The following LAMA2 variants were observed in gnomAD, a reference collection of about 807,000 sequenced individuals.
LAMA2 encodes the protein laminin subunit alpha 2.
A neutral mutation model predicts 364.8 loss-of-function variants in LAMA2; 269 were observed. The observed-to-expected ratio is 0.74, with a 90% CI of 0.67 to 0.82. The LOEUF is 0.82. LAMA2 is among the 40% of genes least tolerant of loss of function. LAMA2 has a pLI of 0.00. For synonymous variants in LAMA2, 1,379 were observed against 1,370.6 expected (o/e 1.01, Z -0.14); for missense variants, 3,807 against 3,873.2 (o/e 0.98, Z 0.45).
intron 1 of LAMA2, among the ~76,000 whole-genome samples, chr6:129,047,751 CT>C (rs960273488): frequency 1.1e-4 from 17 of 152,050 alleles, no homozygotes; most frequent in African/African-American, 3.4e-4. Context: ...GTACTATTAT[CT>C]TTTTTTAACA....
chr6:129,052,468 A>T (rs1484633878), intron 2 of LAMA2, among the ~76,000 whole-genome samples: 1 of 151,954 alleles, frequency 6.6e-6, no homozygotes, highest in Non-Finnish European at 1.5e-5. Context: ...CTTTTTAAAT[A>T]GACCTTATTT....
intron 1 of LAMA2, among the ~76,000 whole-genome samples, chr6:129,010,381 G>A (rs948615522): frequency 1.3e-5 from 2 of 152,126 alleles, no homozygotes; most frequent in African/African-American, 4.8e-5. Flanking sequence ...TCGTTTAGGT[G>A]AAATAGAGGA....
chr6:129,298,658 A>G (rs1355953534), intron 21 of LAMA2, among the ~76,000 whole-genome samples: 1 of 152,218 alleles, frequency 6.6e-6, no homozygotes, highest in South Asian at 2.1e-4. Flanking sequence ...TCTCAGCACC[A>G]TGGTAAGATT....
chr6:129,495,368 A>G (rs1785107801), intron 58 of LAMA2, among the ~76,000 whole-genome samples: 1 of 152,066 alleles, frequency 6.6e-6, no homozygotes, highest in African/African-American at 2.4e-5. Flanking sequence ...TATCCCCTCC[A>G]TGATCAGTAT....
intron 29 of LAMA2, among the ~76,000 whole-genome samples, chr6:129,334,944 AAC>A (rs1194418084): frequency 6.6e-6 from 1 of 152,190 alleles, no homozygotes; most frequent in Non-Finnish European, 1.5e-5. Flanking sequence ...ATTTTTGGAG[AAC>A]ACAGTTGTTC....
chr6:129,515,008 CAT>C (rs1480154500), intron 64 of LAMA2, among the ~76,000 whole-genome samples: 2 of 152,148 alleles, frequency 1.3e-5, no homozygotes, highest in African/African-American at 4.8e-5. Flanking sequence ...TTGGGTTAAA[CAT>C]AGCTAATTTC....
At chr6:129,294,098 G>C (rs80096348) in intron 20 of LAMA2, among the ~76,000 whole-genome samples, 1 of 152,158 alleles carries the variant, frequency 6.6e-6, no homozygotes. Flanking sequence ...CTGCAATGGG[G>C]TTCTGACTCC....
intron 22 of LAMA2, among the ~76,000 whole-genome samples, chr6:129,306,643 T>C (rs1773897417): frequency 6.6e-6 from 1 of 151,866 alleles, no homozygotes; most frequent in African/African-American, 2.4e-5. Context: ...GAGGTTCTTA[T>C]TTTTTTAATT....
chr6:129,231,270 A>G (rs115094488), intron 12 of LAMA2, among the ~76,000 whole-genome samples: 9 of 152,148 alleles, frequency 5.9e-5, no homozygotes. Flanking sequence ...TTTTGAAATT[A>G]TGCTTTACTG....
At chr6:129,389,927 A>AG (rs1401655735) in intron 35 of LAMA2, among the ~76,000 whole-genome samples, 7 of 152,190 alleles carry the variant, frequency 4.6e-5, no homozygotes, top group Non-Finnish European at 7.3e-5. Context: ...GGGGACACAG[A>AG]GAAAAACCAT....
chr6:129,219,659 G>A (rs1303212458), intron 12 of LAMA2, among the ~76,000 whole-genome samples: 1 of 144,102 alleles, frequency 6.9e-6, no homozygotes, highest in Non-Finnish European at 1.5e-5. Context: ...AAAAAATGAT[G>A]AGTTCATGTC....
intron 35 of LAMA2, among the ~76,000 whole-genome samples, chr6:129,385,744 C>T (rs1259537765): frequency 1.3e-5 from 2 of 152,096 alleles, no homozygotes; most frequent in Admixed American, 1.3e-4. Flanking sequence ...CATAGGTAAA[C>T]CCATTAGTGT....
At chr6:129,377,773 G>GA (rs892223346) in intron 34 of LAMA2, among the ~76,000 whole-genome samples, 14 of 152,162 alleles carry the variant, frequency 9.2e-5, no homozygotes, top group Non-Finnish European at 1.9e-4. Flanking sequence ...AAAGAAGGCA[G>GA]AAAATGAAAC....
intron 1 of LAMA2, among the ~76,000 whole-genome samples, chr6:128,977,700 G>T (rs1414391442): frequency 6.6e-6 from 1 of 152,178 alleles, no homozygotes; most frequent in African/African-American, 2.4e-5. Context: ...ACCTGAATCA[G>T]GTTTCGGTTG....
At chr6:129,294,647 G>T (rs1484787253) in intron 20 of LAMA2, among the ~76,000 whole-genome samples, 1 of 152,118 alleles carries the variant, frequency 6.6e-6, no homozygotes, top group Non-Finnish European at 1.5e-5. Flanking sequence ...TAAACATTCA[G>T]TCCATTACAG....
At chr6:129,483,437 A>G (rs993105214) in intron 55 of LAMA2, among the ~76,000 whole-genome samples, 4 of 152,176 alleles carry the variant, frequency 2.6e-5, no homozygotes, top group Non-Finnish European at 5.9e-5. Context: ...TAAAGCCCAT[A>G]TGGAGAAAAT....
At chr6:129,493,020 C>T (rs189079529) in intron 58 of LAMA2, among the ~76,000 whole-genome samples, 3 of 152,062 alleles carry the variant, frequency 2.0e-5, no homozygotes, top group South Asian at 2.1e-4. Flanking sequence ...CCTGGCATGG[C>T]GGTGTGCACC....
intron 1 of LAMA2, among the ~76,000 whole-genome samples, chr6:128,924,320 T>C (rs766209283): frequency 2.6e-5 from 4 of 152,180 alleles, no homozygotes; most frequent in Non-Finnish European, 5.9e-5. Flanking sequence ...TACTGACTGC[T>C]AACAACATAA....
In LAMA2 at chr6:129,043,418, T is replaced by A. The variant is rs567296178; in HGVS notation, c.113-6500T>A. ...TTTATCATCTCCAATTTTCTATTAA[T>A]CACATGTAGTGGATTTTTTTTTCAT... is the stretch of plus-strand genomic sequence containing the variant. On this transcript the variant is annotated intron_variant, in intron 1 of 64. Transcript: ENST00000421865. Among the ~76,000 whole-genome samples, 3 of 152,336 alleles carry A rather than the reference T, an allele frequency of 2.0e-5. No individual in the cohort carries two copies. The East Asian group carries it at 5.8e-4, about 29-fold the overall frequency.
Sources: gnomAD v4.1 joint callset for allele counts (sites outside exome capture counted in the v4.1 genomes callset) on GRCh38, gnomAD v4.1.1 for gene constraint, MANE v1.5 for transcripts, NCBI Gene and HGNC (gene_info 2026-07-23, HGNC 2026-07-21) for gene names.